Variants in CSMD2 observed in about 807,000 individuals in gnomAD.
The protein encoded by CSMD2 is CUB and Sushi multiple domains 2.
In CSMD2, 130 loss-of-function variants were observed where a neutral mutation model predicts 398.5. That is an observed-to-expected ratio of 0.33 (90% confidence interval 0.28 to 0.38). The LOEUF (loss-of-function observed/expected upper bound fraction) is 0.38, where lower values mean the gene tolerates loss of function less well. Ranked by LOEUF, CSMD2 falls within the 10% of genes least tolerant of loss-of-function variation. The pLI, the probability that CSMD2 is intolerant of heterozygous loss-of-function variation, is 1.00. For synonymous variants in CSMD2, 1,828 were observed against 1,908.5 expected, an observed-to-expected ratio of 0.96 and a Z score of 1.10; for missense variants, 3,829 against 4,764.9, an observed-to-expected ratio of 0.80 and a Z score of 5.78.
At chr1:34,131,973 A>G (rs1254964404) in intron 1 of CSMD2, among the ~76,000 whole-genome samples, 1 of 152,102 alleles carries the variant, frequency 6.6e-6, no homozygotes, top group Non-Finnish European at 1.5e-5. Context: ...CCAAGAGACA[A>G]GAGGGATTCC....
intron 64 of CSMD2, among the ~76,000 whole-genome samples, chr1:33,530,747 G>A (rs566532620): frequency 8.5e-5 from 13 of 152,278 alleles, no homozygotes; most frequent in African/African-American, 2.4e-4. Context: ...ATACACAATG[G>A]AATACTATGC....
upstream of CSMD2, chr1:34,165,598 A>C: frequency 1.4e-6 from 1 of 699,900 alleles, no homozygotes; most frequent in Non-Finnish European, 2.5e-6. Flanking sequence ...ACACACACAC[A>C]AACACACACA....
At chr1:33,593,932 C>T (rs1159558405) in intron 44 of CSMD2, among the ~76,000 whole-genome samples, 1 of 151,950 alleles carries the variant, frequency 6.6e-6, no homozygotes, top group Non-Finnish European at 1.5e-5. Flanking sequence ...GTTCAAAATC[C>T]TTATTTCTCT....
At chr1:34,087,295 A>G (rs111227818) in intron 2 of CSMD2, among the ~76,000 whole-genome samples, 40 of 152,190 alleles carry the variant, frequency 2.6e-4, no homozygotes, top group African/African-American at 9.2e-4. Context: ...ACAGCCATAA[A>G]AAAGGATGAG....
intron 3 of CSMD2, among the ~76,000 whole-genome samples, chr1:33,980,641 A>G (rs771905251): frequency 2.0e-5 from 3 of 152,094 alleles, no homozygotes; most frequent in East Asian, 1.9e-4. Flanking sequence ...CCTTCCATCC[A>G]TCTCATATTT....
intron 6 of CSMD2, 99 bp from the exon 7 acceptor site, chr1:33,825,873 C>A: frequency 1.0e-6 from 1 of 958,842 alleles, no homozygotes; most frequent in Non-Finnish European, 1.6e-6. Flanking sequence ...TGGAACATTC[C>A]ATGGTGGGTC....
At chr1:33,651,444 G>A (rs188005244) in intron 28 of CSMD2, among the ~76,000 whole-genome samples, 3 of 152,316 alleles carry the variant, frequency 2.0e-5, no homozygotes, top group East Asian at 1.9e-4. Context: ...TCTGGATAGC[G>A]ATGCTGACGC....
intron 1 of CSMD2, among the ~76,000 whole-genome samples, chr1:34,153,118 G>A (rs1640483355): frequency 6.6e-6 from 1 of 152,202 alleles, no homozygotes; most frequent in South Asian, 2.1e-4. Flanking sequence ...CTGGGTTCAA[G>A]TGATTCTTGT....
chr1:34,067,764 T>C (rs778872221), intron 2 of CSMD2, among the ~76,000 whole-genome samples: 4 of 152,246 alleles, frequency 2.6e-5, no homozygotes, highest in Admixed American at 6.5e-5. Flanking sequence ...TTCTTCAATG[T>C]GGTTTAAAAT....
chr1:33,941,052 A>G (rs1644654806), intron 3 of CSMD2, among the ~76,000 whole-genome samples: 1 of 151,944 alleles, frequency 6.6e-6, no homozygotes, highest in Non-Finnish European at 1.5e-5. Context: ...ATGCTCTCCC[A>G]TCTATAAAGC....
chr1:33,634,550 G>C (rs765540844), intron 31 of CSMD2, among the ~76,000 whole-genome samples: 2 of 152,168 alleles, frequency 1.3e-5, no homozygotes, highest in African/African-American at 2.4e-5. Context: ...AAGCCAGCCT[G>C]GTCACCTGGT....
intron 19 of CSMD2, among the ~76,000 whole-genome samples, chr1:33,719,749 C>T (rs1227738999): frequency 6.6e-6 from 1 of 152,166 alleles, no homozygotes; most frequent in Admixed American, 6.5e-5. Flanking sequence ...CCAGGTTCTT[C>T]AACTGTAATA....
At chr1:33,730,617 GAAA>G (rs59364675) in intron 15 of CSMD2, among the ~76,000 whole-genome samples, 5 of 138,206 alleles carry the variant, frequency 3.6e-5, no homozygotes, top group African/African-American at 1.3e-4. Flanking sequence ...AAAAAGAAAT[GAAA>G]AAAAAAAAAA....
intron 2 of CSMD2, among the ~76,000 whole-genome samples, chr1:34,053,259 T>C (rs1272265537): frequency 1.3e-5 from 2 of 152,182 alleles, no homozygotes; most frequent in East Asian, 3.9e-4. Flanking sequence ...GGATAATAAT[T>C]GATACCGTAA....
At chr1:33,884,371 A>G (rs1641443909) in intron 5 of CSMD2, among the ~76,000 whole-genome samples, 2 of 143,036 alleles carry the variant, frequency 1.4e-5, no homozygotes, top group African/African-American at 5.7e-5. Flanking sequence ...GGCACCTCAA[A>G]CTTAAGATGA....
At chr1:33,771,305 G>A (rs1245320065) in intron 13 of CSMD2, among the ~76,000 whole-genome samples, 3 of 152,126 alleles carry the variant, frequency 2.0e-5, no homozygotes, top group Admixed American at 1.3e-4. Flanking sequence ...TGCCTGCCCC[G>A]AGCTGCTCCC....
chr1:33,811,888 T>C (rs1027120270), intron 9 of CSMD2, among the ~76,000 whole-genome samples: 2 of 152,192 alleles, frequency 1.3e-5, no homozygotes, highest in Non-Finnish European at 2.9e-5. Context: ...GCAAAGTGCC[T>C]AACAGTAAAG....
At chr1:33,897,064 G>A (rs10799006) in intron 5 of CSMD2, among the ~76,000 whole-genome samples, 123,984 of 152,008 alleles carry the variant, frequency 0.82, 51,363 homozygotes, top group African/African-American at 0.95. Context: ...GGCCAAAACA[G>A]TATTGTGGAA....
At chr1:33,797,777 G>A (rs372868965) in intron 10 of CSMD2, among the ~76,000 whole-genome samples, 14 of 152,170 alleles carry the variant, frequency 9.2e-5, no homozygotes, top group Non-Finnish European at 1.8e-4. Flanking sequence ...TGAGGGGCCC[G>A]GCTGCATATT....
Sources: allele counts gnomAD v4.1 joint callset (sites outside exome capture counted in the v4.1 genomes callset), GRCh38; gene constraint gnomAD v4.1.1; transcripts MANE v1.5; gene names NCBI Gene and HGNC (gene_info 2026-07-23, HGNC 2026-07-21).